TRDN: variants seen among roughly 807,000 people sequenced by gnomAD.
TRDN encodes the protein triadin in skeletal muscle.
Under a neutral mutation model 149.7 loss-of-function variants are expected in TRDN, and 161 were observed. That is an observed-to-expected ratio of 1.08 (90% CI 0.95 to 1.23). The LOEUF is 1.23. TRDN is among the 50% of genes most tolerant of loss of function. The probability of loss-of-function intolerance (pLI) is 0.00; values close to 1 mark genes in which losing one functional copy is unlikely to be tolerated. For synonymous variants in TRDN, 294 were observed against 250.5 expected (o/e 1.17, Z -1.64); for missense variants, 896 against 823.5 (o/e 1.09, Z -1.08).
intron 1 of TRDN, among the ~76,000 whole-genome samples, chr6:123,580,735 G>T (rs1353185524): frequency 6.6e-6 from 1 of 152,124 alleles, no homozygotes; most frequent in Non-Finnish European, 1.5e-5. Flanking sequence ...TATAAATAAT[G>T]TTGGAAAACT....
At chr6:123,432,479 AT>A (rs1327560716) in intron 12 of TRDN, among the ~76,000 whole-genome samples, 1 of 152,022 alleles carries the variant, frequency 6.6e-6, no homozygotes, top group African/African-American at 2.4e-5. Flanking sequence ...TCAAACTATA[AT>A]TTCTCAATTA....
chr6:123,272,689 G>A (rs1294574073), intron 29 of TRDN, among the ~76,000 whole-genome samples: 1 of 151,774 alleles, frequency 6.6e-6, no homozygotes, highest in African/African-American at 2.4e-5. Context: ...AAAGTATAGA[G>A]CCCATTCATC....
chr6:123,487,514 A>G (rs1778026412), intron 9 of TRDN, among the ~76,000 whole-genome samples: 1 of 151,858 alleles, frequency 6.6e-6, no homozygotes, highest in Non-Finnish European at 1.5e-5. Context: ...CTCATTTCCG[A>G]TCCCATAAAC....
At chr6:123,521,900 A>G (rs1288585936) in intron 5 of TRDN, among the ~76,000 whole-genome samples, 1 of 152,122 alleles carries the variant, frequency 6.6e-6, no homozygotes, top group African/African-American at 2.4e-5. Flanking sequence ...TTGTGTATTT[A>G]CTTTTTCAAA....
intron 1 of TRDN, among the ~76,000 whole-genome samples, chr6:123,603,575 A>G (rs1412999431): frequency 6.6e-6 from 1 of 152,108 alleles, no homozygotes; most frequent in Non-Finnish European, 1.5e-5. Flanking sequence ...TTCATTTATC[A>G]GATGTTTACT....
In TRDN at chr6:123,218,623, C is replaced by A; in HGVS notation, c.2168G>T (p.Gly723Val). The A allele has an allele frequency of 1.2e-6, 2 of 1,611,682 alleles. No individual in the cohort carries two copies. Among genetic ancestry groups the A allele is most frequent in the South Asian group, 2.2e-5 (2 of 90,988 alleles). Residue 723 changes from glycine (G) to valine (V), a missense_variant, in exon 41 of 41, where the codon GGA (glycine) becomes GTA (valine). Physicochemically the swap from Gly to Val is moderately radical, Grantham distance 109. Coordinates refer to ENST00000334268, the MANE Select transcript of TRDN (RefSeq NM_006073.4). ...TGTTTACTGTCCTTGTTGCTTCTGT[C>A]CTGGAGAATTTGCTTGACCAGAGCT... ...GESSGQANSP[G>V]QKQQGQ
chr6:123,591,333 C>T (rs1783770895), intron 1 of TRDN, among the ~76,000 whole-genome samples: 1 of 152,156 alleles, frequency 6.6e-6, no homozygotes, highest in Non-Finnish European at 1.5e-5. Flanking sequence ...GCAACCTCCA[C>T]CTCCTGGGTT....
At chr6:123,442,190 C>T (rs1479908761) in intron 10 of TRDN, 1 of 152,298 alleles carries the variant, frequency 6.6e-6, no homozygotes, top group African/African-American at 2.4e-5. Context: ...GTCCATGACT[C>T]TTCCTAGTTG....
intron 37 of TRDN, 118 bp downstream of exon 37, chr6:123,254,963 A>C: frequency 1.5e-6 from 1 of 646,868 alleles, no homozygotes. Context: ...CTCTGCTATT[A>C]AGAGAAGTTT....
rs536682320 is a variant in TRDN, at chr6:123,244,003, A to C, written c.1975+8409T>G. 1.0e-3 allele frequency among the ~76,000 whole-genome samples: 155 copies of C among 152,232 alleles called. 2 individuals carry two copies. Among genetic ancestry groups the C allele is most frequent in the Admixed American group, 0.01 (154 of 15,278 alleles). On this transcript the variant is annotated intron_variant, in intron 38 of 40. Transcript: ENST00000334268. ...TTTGTCAACAACTACAGAATATACA[A>C]GTTTCTCCAGTTAGAAAGAAAACTA...
chr6:123,314,201 C>T (rs1778937159), intron 24 of TRDN, among the ~76,000 whole-genome samples: 1 of 151,908 alleles, frequency 6.6e-6, no homozygotes, highest in Non-Finnish European at 1.5e-5. Context: ...CATGAACAGA[C>T]ACTTTTCAAT....
intron 24 of TRDN, among the ~76,000 whole-genome samples, chr6:123,304,169 AAAG>A (rs563199053): frequency 4.7e-4 from 71 of 152,232 alleles, no homozygotes; most frequent in African/African-American, 1.5e-3. Context: ...ATAACCATAT[AAAG>A]AAGAAGTTGA....
intron 10 of TRDN, among the ~76,000 whole-genome samples, chr6:123,450,148 C>CA (rs1233143742): frequency 6.6e-6 from 1 of 152,030 alleles, no homozygotes; most frequent in Non-Finnish European, 1.5e-5. Context: ...CCCTATAAGA[C>CA]AAAAATAGAA....
chr6:123,511,455 TACA>T (rs1327701804), intron 7 of TRDN, among the ~76,000 whole-genome samples: 2 of 152,180 alleles, frequency 1.3e-5, no homozygotes, highest in Admixed American at 6.5e-5. Flanking sequence ...CATAAATATG[TACA>T]ACAACTATGT....
At chr6:123,233,846 A>G (rs1402245698) in intron 38 of TRDN, among the ~76,000 whole-genome samples, 1 of 152,072 alleles carries the variant, frequency 6.6e-6, no homozygotes, top group Non-Finnish European at 1.5e-5. Flanking sequence ...TTTTGACACA[A>G]AAGTTTAATA....
intron 4 of TRDN, among the ~76,000 whole-genome samples, chr6:123,538,195 A>G (rs931965346): frequency 3.9e-5 from 6 of 152,182 alleles, no homozygotes; most frequent in African/African-American, 1.4e-4. Flanking sequence ...AGATAAAATA[A>G]AATGCCTTCT....
At chr6:123,384,296 G>C (rs1265653534) in intron 14 of TRDN, among the ~76,000 whole-genome samples, 1 of 152,134 alleles carries the variant, frequency 6.6e-6, no homozygotes, top group Non-Finnish European at 1.5e-5. Flanking sequence ...GTTTTAAGTT[G>C]TCAGTTAGTT....
At chr6:123,294,486 T>G (rs1304824153) in intron 24 of TRDN, among the ~76,000 whole-genome samples, 1 of 152,134 alleles carries the variant, frequency 6.6e-6, no homozygotes, top group South Asian at 2.1e-4. Flanking sequence ...GGGGTGTGGA[T>G]AGGGGTGATG....
At chr6:123,319,386 C>G (rs1779158292) in intron 23 of TRDN, among the ~76,000 whole-genome samples, 1 of 151,588 alleles carries the variant, frequency 6.6e-6, no homozygotes, top group Admixed American at 6.6e-5. Context: ...TTTCTACTGA[C>G]AGTAAAGTAT....
Sources: allele counts gnomAD v4.1 joint callset (sites outside exome capture counted in the v4.1 genomes callset), GRCh38; gene constraint gnomAD v4.1.1; transcripts MANE v1.5; gene names NCBI Gene and HGNC (gene_info 2026-07-23, HGNC 2026-07-21).